Variants in VWC2 observed in about 807,000 individuals in gnomAD.
VWC2 encodes the protein von Willebrand factor C domain containing 2, also known as brorin.
Under a neutral mutation model 29.8 loss-of-function variants are expected in VWC2, and 14 were observed. The observed-to-expected ratio is 0.47, with a 90% CI of 0.31 to 0.74. VWC2 has a LOEUF of 0.74. Among genes scored for constraint, VWC2 ranks in the 30% least tolerant of loss-of-function variants. The probability of loss-of-function intolerance (pLI) is 0.05; values close to 1 mark genes in which losing one functional copy is unlikely to be tolerated. For synonymous variants in VWC2, 213 were observed against 199.0 expected (o/e 1.07, Z -0.59); for missense variants, 457 against 459.8 (o/e 0.99, Z 0.05).
intron 3 of VWC2, among the ~76,000 whole-genome samples, chr7:49,835,879 G>A (rs1330030013): frequency 6.6e-6 from 1 of 152,100 alleles, no homozygotes; most frequent in Non-Finnish European, 1.5e-5. Context: ...TTGTTATAAT[G>A]ACCATTTTTT....
At chr7:49,795,571 A>G (rs1318836020) in intron 2 of VWC2, among the ~76,000 whole-genome samples, 2 of 152,188 alleles carry the variant, frequency 1.3e-5, no homozygotes, top group Admixed American at 1.3e-4. Context: ...ATCCCTCTCA[A>G]TAGAAAGGTT....
Position 49,912,380 on chromosome 7 carries a change from C to A in VWC2, c.*195C>A. ...ATATATTTCAAAACATCAACAAGAA[C>A]TTTGGGCATAAAATCCTTCTCTAAA... is the stretch of plus-strand genomic sequence containing the variant. On this transcript the variant is annotated 3_prime_UTR_variant, in exon 4 of 4. Coordinates refer to ENST00000340652, the MANE Select transcript of VWC2 (RefSeq NM_198570.5). The A allele has an allele frequency of 1.9e-6, 1 of 532,326 alleles. No homozygotes were observed. Among genetic ancestry groups the A allele is most frequent in the Non-Finnish European group, 3.2e-6 (1 of 313,938 alleles). 33.0% of individuals were successfully genotyped at this position (532,326 alleles called of 1,614,324 possible).
chr7:49,854,597 C>T (rs990273973), intron 3 of VWC2, among the ~76,000 whole-genome samples: 1 of 152,152 alleles, frequency 6.6e-6, no homozygotes, highest in Non-Finnish European at 1.5e-5. Context: ...GAGTTCTTTG[C>T]AGATTCTGGA....
intron 3 of VWC2, among the ~76,000 whole-genome samples, chr7:49,810,457 T>C (rs971771715): frequency 1.5e-4 from 23 of 152,212 alleles, no homozygotes; most frequent in African/African-American, 5.3e-4. Flanking sequence ...TGTTAGTTCT[T>C]CCCAAATTAA....
At chr7:49,804,644 T>A (rs1227451689) in intron 3 of VWC2, among the ~76,000 whole-genome samples, 3 of 152,090 alleles carry the variant, frequency 2.0e-5, no homozygotes, top group Non-Finnish European at 1.5e-5. Flanking sequence ...ACCCCTGGAT[T>A]TTTTTTTCTT....
intron 3 of VWC2, among the ~76,000 whole-genome samples, chr7:49,869,501 TG>T (rs1242666384): frequency 6.6e-6 from 1 of 152,218 alleles, no homozygotes; most frequent in East Asian, 1.9e-4. Context: ...GTAGGTGCTA[TG>T]GTTGCTGTAT....
intron 3 of VWC2, among the ~76,000 whole-genome samples, chr7:49,866,108 G>A (rs1270807281): frequency 6.6e-6 from 1 of 152,170 alleles, no homozygotes; most frequent in Non-Finnish European, 1.5e-5. Context: ...CATCCAGCAA[G>A]TCCTGGCTCC....
chr7:49,840,958 G>A (rs1489701296), intron 3 of VWC2, among the ~76,000 whole-genome samples: 2 of 152,162 alleles, frequency 1.3e-5, no homozygotes, highest in Non-Finnish European at 2.9e-5. Flanking sequence ...GGGATGCAAA[G>A]AACAGACTCA....
Position 49,917,708 on chromosome 7 carries a change from C to T in VWC2, c.*5523C>T, listed in dbSNP as rs1293348652. ...TATTTGGTATCTAATTATATTAAGA[C>T]CAACATATACATTAAAGTGTATTTA... On this transcript the variant is annotated 3_prime_UTR_variant, in exon 4 of 4. Coordinates refer to ENST00000340652, the MANE Select transcript of VWC2 (RefSeq NM_198570.5). 1.3e-5 allele frequency: 2 copies of T among 151,968 alleles called. No homozygotes were observed. The highest frequency in any genetic ancestry group is 2.1e-4 in the South Asian group (1 of 4,802). 9.4% of individuals were successfully genotyped at this position (151,968 alleles called of 1,614,324 possible). A position where few individuals can be genotyped will look rare whatever the true frequency, so the allele number is the denominator to read the frequency against.
In VWC2 at chr7:49,921,053, C is replaced by T. The variant is rs1036582562; in HGVS notation, c.*8868C>T. On this transcript the variant is annotated 3_prime_UTR_variant, in exon 4 of 4. Transcript: ENST00000340652. ...AATTTATTAAACAACATCAATTTTA[C>T]CTAACAACTGTAACCACTAATAAAT... 3 of 152,188 alleles carry T rather than the reference C, an allele frequency of 2.0e-5. No homozygotes were observed. The highest frequency in any genetic ancestry group is 4.4e-5 in the Non-Finnish European group (3 of 68,040). The allele number at this position is 152,188 out of a possible 1,614,324, so 9.4% of individuals were successfully genotyped here. A position where few individuals can be genotyped will look rare whatever the true frequency, so the allele number is the denominator to read the frequency against.
intron 2 of VWC2, among the ~76,000 whole-genome samples, chr7:49,776,925 A>T (rs1340363012): frequency 6.6e-6 from 1 of 152,244 alleles, no homozygotes; most frequent in Non-Finnish European, 1.5e-5. Flanking sequence ...AAACAGATTC[A>T]TATGTCAAAC....
At chr7:49,875,391 A>AAAAAAAAAAAAAC (rs1791367718) in intron 3 of VWC2, among the ~76,000 whole-genome samples, 1 of 150,150 alleles carries the variant, frequency 6.7e-6, no homozygotes, top group South Asian at 2.1e-4. Flanking sequence ...AAAAAAAAAA[A>AAAAAAAAAAAAAC]AAAAAACAGG....
intron 3 of VWC2, among the ~76,000 whole-genome samples, chr7:49,897,805 A>C (rs1792463730): frequency 5.9e-5 from 9 of 152,202 alleles, no homozygotes; most frequent in Admixed American, 5.2e-4. Context: ...GAAAGTAAAA[A>C]ACTCCACAGG....
chr7:49,802,888 CACA>C, intron 3 of VWC2, 48 bp downstream of exon 3: 1 of 1,612,484 alleles, frequency 6.2e-7, no homozygotes. Context: ...CACCCTGATG[CACA>C]ACCCATGTGC....
intron 2 of VWC2, among the ~76,000 whole-genome samples, chr7:49,788,658 TG>T (rs1379408884): frequency 6.8e-6 from 1 of 146,658 alleles, no homozygotes; most frequent in East Asian, 2.0e-4. Flanking sequence ...TGTGGATGTG[TG>T]GGTATGAGAG....
intron 3 of VWC2, among the ~76,000 whole-genome samples, chr7:49,843,512 C>T (rs143129325): frequency 1.1e-4 from 16 of 152,230 alleles, no homozygotes; most frequent in Middle Eastern, 3.4e-3. Context: ...CACTAATTCA[C>T]GATAATTTGA....
At chr7:49,911,480 C>CAAAAAAA (rs34782644) in intron 3 of VWC2, among the ~76,000 whole-genome samples, 5 of 71,614 alleles carry the variant, frequency 7.0e-5, no homozygotes, top group East Asian at 4.1e-4. Flanking sequence ...GACTCTGTCT[C>CAAAAAAA]AAAAAAAAAA....
At chr7:49,887,126 G>A (rs1243655283) in intron 3 of VWC2, among the ~76,000 whole-genome samples, 1 of 152,180 alleles carries the variant, frequency 6.6e-6, no homozygotes, top group Admixed American at 6.5e-5. Context: ...ACAAGGGTTT[G>A]TATATTTTAA....
At chr7:49,889,612 G>A (rs1351630601) in intron 3 of VWC2, among the ~76,000 whole-genome samples, 2 of 152,128 alleles carry the variant, frequency 1.3e-5, no homozygotes, top group Non-Finnish European at 2.9e-5. Context: ...AGAATTCTGG[G>A]GACACACAAT....
Sources: gnomAD v4.1 joint callset for allele counts (sites outside exome capture counted in the v4.1 genomes callset) on GRCh38, gnomAD v4.1.1 for gene constraint, MANE v1.5 for transcripts, NCBI Gene and HGNC (gene_info 2026-07-23, HGNC 2026-07-21) for gene names.